Variants in CTCFL observed in about 807,000 individuals in gnomAD.
The protein encoded by CTCFL is transcriptional repressor CTCFL.
In CTCFL, 36 loss-of-function variants were observed where a neutral mutation model predicts 67.4. That is an observed-to-expected ratio of 0.53 (90% confidence interval 0.41 to 0.71). CTCFL has a LOEUF of 0.71. Ranked by LOEUF, CTCFL falls within the 30% of genes least tolerant of loss-of-function variation. The probability of loss-of-function intolerance (pLI) is 0.00; values close to 1 mark genes in which losing one functional copy is unlikely to be tolerated. For missense variants in CTCFL, 786 were observed against 835.2 expected, an observed-to-expected ratio of 0.94 and a Z score of 0.73; for synonymous variants, 324 against 302.3, an observed-to-expected ratio of 1.07 and a Z score of -0.75.
At chr20:57,499,089 G>A (rs1248021682) in intron 10 of CTCFL, among the ~76,000 whole-genome samples, 1 of 131,126 alleles carries the variant, frequency 7.6e-6, no homozygotes, top group Non-Finnish European at 1.7e-5. Flanking sequence ...GGGGGTGGGG[G>A]GGGGACACAG....
At chr20:57,517,217 A>C (rs1464465941) in intron 5 of CTCFL, among the ~76,000 whole-genome samples, 2 of 152,110 alleles carry the variant, frequency 1.3e-5, no homozygotes, top group African/African-American at 4.8e-5. Flanking sequence ...TGAGCAAAGA[A>C]GGCCATTAAA....
intron 6 of CTCFL, 46 bp downstream of exon 6, chr20:57,515,668 A>G: frequency 3.1e-6 from 5 of 1,611,778 alleles, no homozygotes; most frequent in Non-Finnish European, 4.2e-6. Flanking sequence ...GCTTGCTTTA[A>G]GAGTTAACAC....
At chr20:57,524,651 C>T (rs771843148) in intron 1 of CTCFL, 2 of 1,005,650 alleles carry the variant, frequency 2.0e-6, no homozygotes, top group Non-Finnish European at 2.4e-6. Flanking sequence ...TAGCAAGTTT[C>T]AGGTCCAAGC....
chr20:57,507,361 TC>T lies in CTCFL; in HGVS notation c.1674+1244del. On this transcript the variant is annotated intron_variant, in intron 9 of 10. Transcript: ENST00000243914. ...CGTGCACTACCACGCCTAGCTATTT[TC>T]TTTTTTTTTTTTTAAAGTAGAGACA... 7.1e-6 allele frequency: 4 copies of T among 560,070 alleles called. 1 individual carries two copies. The highest frequency in any genetic ancestry group is 6.3e-5 in the South Asian group (3 of 47,782). The allele number at this position is 560,070 out of a possible 1,614,324, so 34.7% of individuals were successfully genotyped here. A position where few individuals can be genotyped will look rare whatever the true frequency, so the allele number is the denominator to read the frequency against.
intron 9 of CTCFL, chr20:57,507,627 C>T (rs1283890139): frequency 1.1e-5 from 8 of 702,904 alleles, no homozygotes; most frequent in South Asian, 4.4e-5. Context: ...GAACTGAGGC[C>T]GGTGCCAGCA....
chr20:57,500,569 G>C (rs974667842), intron 10 of CTCFL, among the ~76,000 whole-genome samples: 1 of 152,094 alleles, frequency 6.6e-6, no homozygotes, highest in Admixed American at 6.6e-5. Context: ...GATAACACAG[G>C]CTACAAAGAT....
intron 10 of CTCFL, 105 bp downstream of exon 10, chr20:57,503,331 T>C (rs1434184617): frequency 1.6e-5 from 21 of 1,339,678 alleles, no homozygotes; most frequent in Non-Finnish European, 2.0e-5. Context: ...GGTGGACAAA[T>C]AGGGGCTCTG....
chr20:57,503,740 G>C, intron 9 of CTCFL, 139 bp from the exon 10 acceptor site: 1 of 810,422 alleles, frequency 1.2e-6, no homozygotes, highest in Non-Finnish European at 1.9e-6. Context: ...CACCTCGCTA[G>C]CCCTAAGAAG....
intron 8 of CTCFL, among the ~76,000 whole-genome samples, chr20:57,509,163 T>C (rs1053549194): frequency 6.6e-6 from 1 of 152,204 alleles, no homozygotes; most frequent in African/African-American, 2.4e-5. Flanking sequence ...AAATAGAACC[T>C]GCAAACTTAA....
At chr20:57,502,289 C>T (rs558895346) in intron 10 of CTCFL, among the ~76,000 whole-genome samples, 6 of 152,364 alleles carry the variant, frequency 3.9e-5, no homozygotes, top group Admixed American at 6.5e-5. Context: ...CGACTCCACA[C>T]AGAGGGAGTG....
chr20:57,514,483 C>G, intron 7 of CTCFL, 109 bp downstream of exon 7: 1 of 1,355,532 alleles, frequency 7.4e-7, no homozygotes, highest in Non-Finnish European at 1.0e-6. Context: ...GCCAAGTTCC[C>G]GAAGACCGGG....
At chr20:57,504,269 C>CTGGCCAAGATAACATCCTAACAT (rs1289300466) in intron 9 of CTCFL, among the ~76,000 whole-genome samples, 2 of 148,452 alleles carry the variant, frequency 1.3e-5, no homozygotes, top group East Asian at 4.0e-4. Context: ...AGCCACTGCA[C>CTGGCCAAGATAACATCCTAACAT]CCGCCCCCCG....
chr20:57,510,560 C>G (rs909541400), intron 8 of CTCFL, among the ~76,000 whole-genome samples: 5 of 152,180 alleles, frequency 3.3e-5, no homozygotes, highest in Non-Finnish European at 7.4e-5. Context: ...CTAAGTCTGA[C>G]AGCTCTATTA....
Position 57,513,927 on chromosome 20 carries a change from G to A in CTCFL, c.1330+665C>T, listed in dbSNP as rs891733284. On this transcript the variant is annotated intron_variant, in intron 7 of 10. Coordinates refer to ENST00000243914, the MANE Select transcript of CTCFL (RefSeq NM_001386993.1). ...CGCTTCCCACACCCTCCCTCCCATTGCTCAACACTGGCTGGCTTCCCCACA... is the reference window on the plus strand; with the variant it reads ...CGCTTCCCACACCCTCCCTCCCATTACTCAACACTGGCTGGCTTCCCCACA... The A allele has an allele frequency of 2.3e-6, 3 of 1,280,532 alleles. No homozygotes were observed. The African/African-American group carries it at 4.6e-5, about 20-fold the overall frequency. 79.3% of individuals were successfully genotyped at this position (1,280,532 alleles called of 1,614,324 possible). A position where few individuals can be genotyped will look rare whatever the true frequency, so the allele number is the denominator to read the frequency against.
intron 9 of CTCFL, chr20:57,507,692 G>A (rs1279187106): frequency 1.1e-5 from 8 of 702,866 alleles, no homozygotes; most frequent in African/African-American, 5.2e-5. Flanking sequence ...TCCAGCCTTC[G>A]GATGATGCAG....
Position 57,498,461 on chromosome 20 carries a change from G to A in CTCFL, c.*89C>T, listed in dbSNP as rs945726514. On this transcript the variant is annotated 3_prime_UTR_variant, in exon 11 of 11. Transcript: ENST00000243914. ...CCTGACTCTCTCTCACTTATCCATCGTGTTGAGGAGCATTTCACACCTTAA... is the reference window on the plus strand; with the variant it reads ...CCTGACTCTCTCTCACTTATCCATCATGTTGAGGAGCATTTCACACCTTAA... 8.9e-5 allele frequency: 135 copies of A among 1,523,434 alleles called. No homozygotes were observed. The highest frequency in any genetic ancestry group is 1.2e-4 in the African/African-American group (9 of 72,676). 94.4% of individuals were successfully genotyped at this position (1,523,434 alleles called of 1,614,324 possible). A position where few individuals can be genotyped will look rare whatever the true frequency, so the allele number is the denominator to read the frequency against.
At position 57,524,028 on chromosome 20, in the gene CTCFL, C is replaced by G; in HGVS notation, c.178G>C (p.Val60Leu). The stretch of plus-strand genomic sequence containing the variant: ...ACCAGCTCCACTTCTTCCTCCAGGA[C>G]GCTGTCCTGGAAGGCCCCAGAGGTA... Reference protein sequence around the residue: ...ERTSGAFQDSVLEEEVELVLA... With the variant: ...ERTSGAFQDSLLEEEVELVLA... The change falls in exon 2 of 11, where the codon GTC becomes CTC. Residue 60 changes from valine (V) to leucine (L), a missense_variant. Transcript: ENST00000243914. The G allele has an allele frequency of 6.2e-7, 1 of 1,613,482 alleles. No homozygotes were observed. Among genetic ancestry groups the G allele is most frequent in the Non-Finnish European group, 8.5e-7 (1 of 1,179,984 alleles).
chr20:57,523,897 C>A lies in CTCFL; in HGVS notation c.309G>T (p.Gln103His), dbSNP rs1390781399. ...CCACCACCTGCACCCCTTCTTGCTG[C>A]TGTATGCTCAGCAAGCTCATATCCT... ...ELQDMSLLSI[Q>H]QQEGVQVVVQ... Residue 103 changes from glutamine (Q) to histidine (H), a missense_variant, in exon 2 of 11, where the codon CAG becomes CAT. Gln to His is a conservative substitution (Grantham distance 24, BLOSUM62 0). Around this residue, in one of 3 missense-constraint regions of CTCFL, gnomAD observed 333 missense variants for 304.6 expected, o/e 1.09. Transcript: ENST00000243914. The A allele has an allele frequency of 6.2e-7, 1 of 1,613,192 alleles. No homozygotes were observed. The highest frequency in any genetic ancestry group is 8.5e-7 in the Non-Finnish European group (1 of 1,180,042).
rs755459978 is a variant in CTCFL at position 57,523,834 on chromosome 20, T to C, written c.372A>G (p.Glu124=). The part of the protein sequence containing the change: ...QPGPGLLWLE[E]GPRQSLQQCV... ...ACTGCTGCAGGCTCTGCCGGGGCCC[T>C]TCCTCAAGCCACAGCAACCCAGGGC... The change falls in exon 2 of 11, where the codon GAA becomes GAG. Residue 124 remains glutamate (E), a synonymous_variant. Transcript: ENST00000243914. 12 of 1,612,962 alleles carry C rather than the reference T, an allele frequency of 7.4e-6. No individual in the cohort carries two copies. Among genetic ancestry groups the C allele is most frequent in the South Asian group, 1.1e-5 (1 of 91,090 alleles).
Sources: allele counts gnomAD v4.1 joint callset (sites outside exome capture counted in the v4.1 genomes callset), GRCh38; gene constraint gnomAD v4.1.1; regional missense constraint gnomAD v4.1.1; transcripts MANE v1.5; gene names NCBI Gene and HGNC (gene_info 2026-07-23, HGNC 2026-07-21).